TMED8: variants seen among roughly 807,000 people sequenced by gnomAD.
The protein encoded by TMED8 is protein TMED8.
A neutral mutation model predicts 32.7 loss-of-function variants in TMED8; 15 were observed. The observed-to-expected ratio is 0.46, with a 90% confidence interval of 0.31 to 0.71. The LOEUF is 0.71. Among genes scored for constraint, TMED8 ranks in the 30% least tolerant of loss-of-function variants. The pLI, the probability that TMED8 is intolerant of heterozygous loss-of-function variation, is 0.06. For missense variants in TMED8, 390 were observed against 423.9 expected (o/e 0.92, Z 0.70); for synonymous variants, 147 against 161.4 (o/e 0.91, Z 0.68).
chr14:77,342,923 C>T (rs1339965318), intron 5 of TMED8, among the ~76,000 whole-genome samples: 4 of 152,160 alleles, frequency 2.6e-5, no homozygotes, highest in Non-Finnish European at 5.9e-5. Context: ...TCTGCTCCTG[C>T]CCCATCCCTG....
At chr14:77,347,897 C>T (rs928745220) in intron 2 of TMED8, among the ~76,000 whole-genome samples, 3 of 152,152 alleles carry the variant, frequency 2.0e-5, no homozygotes, top group East Asian at 1.9e-4. Flanking sequence ...AGGGGCCCTT[C>T]GGGGGAGTCT....
intron 4 of TMED8, 63 bp downstream of exon 4, chr14:77,343,634 T>C: frequency 6.2e-7 from 1 of 1,601,350 alleles, no homozygotes; most frequent in Non-Finnish European, 8.5e-7. Context: ...TTTGTCTGTC[T>C]GCCTGCCTTT....
At position 77,376,942 on chromosome 14, in the gene TMED8, C is replaced by G; in HGVS notation, c.112G>C (p.Ala38Pro). ...GCGCCCCGGCCTTGCGTACCTGAGG[C>G]GGCCGCCTGGCTCCCCTCCACTCCC... is the stretch of plus-strand genomic sequence containing the variant. ...CQGVEGSQAA[A>P]SENEDLENKD... The change falls in exon 1 of 6, where the codon GCC becomes CCC. Residue 38 changes from alanine (A) to proline (P), a missense_variant. Ala to Pro is a conservative substitution (Grantham distance 27). Transcript: ENST00000216468. This position sits in a 1 kb window ranked among gnomAD's most constrained non-coding sequence, Gnocchi z 4.0. The G allele has an allele frequency of 6.9e-7, 1 of 1,452,398 alleles. No homozygotes were observed. The highest frequency in any genetic ancestry group is 9.0e-7 in the Non-Finnish European group (1 of 1,109,288). 90.0% of individuals were successfully genotyped at this position (1,452,398 alleles called of 1,614,324 possible).
intron 1 of TMED8, among the ~76,000 whole-genome samples, chr14:77,363,468 C>A (rs1025857068): frequency 6.6e-6 from 1 of 152,054 alleles, no homozygotes; most frequent in Non-Finnish European, 1.5e-5. Context: ...AAAAGCAGTT[C>A]TAAGAAGAAT....
At chr14:77,372,932 A>T (rs80090070) in intron 1 of TMED8, among the ~76,000 whole-genome samples, 579 of 32,350 alleles carry the variant, frequency 0.018, 39 homozygotes, top group Non-Finnish European at 0.024. Context: ...ATATATATAT[A>T]TATATATATA....
At chr14:77,359,457 T>G in intron 1 of TMED8, 1 of 239,082 alleles carries the variant, frequency 4.2e-6, no homozygotes, top group Non-Finnish European at 8.6e-6. Flanking sequence ...TTTATCCCAG[T>G]GTCACAAAGA....
chr14:77,372,011 A>C (rs1267987951), intron 1 of TMED8, among the ~76,000 whole-genome samples: 1 of 152,224 alleles, frequency 6.6e-6, no homozygotes, highest in African/African-American at 2.4e-5. Context: ...TGTCAATTAA[A>C]TGTCAATGTC....
Position 77,376,250 on chromosome 14 carries a change from G to A in TMED8, c.118+686C>T, listed in dbSNP as rs1893811871. Among the ~76,000 whole-genome samples, 1 of 152,206 alleles carries A rather than the reference G, an allele frequency of 6.6e-6. No homozygotes were observed. The highest frequency in any genetic ancestry group is 1.5e-5 in the Non-Finnish European group (1 of 68,040). On this transcript the variant is annotated intron_variant, in intron 1 of 5. Coordinates refer to ENST00000216468, the MANE Select transcript of TMED8 (RefSeq NM_213601.3). The surrounding 1 kb of genome is among the most constrained non-coding windows in gnomAD (Gnocchi z 4.0). ...GAGACGTCGTCCTGGACAAGAAGAG[G>A]ATGAGGGTCTTGAGAATGAGGGAGG...
chr14:77,337,300 CAGTT>C lies in TMED8; in HGVS notation c.*4467_*4470del, dbSNP rs1390034390. On this transcript the variant is annotated 3_prime_UTR_variant, in exon 6 of 6. Transcript: ENST00000216468. ...CACAATCACTCTTGTACTGACATGC[CAGTT>C]AGTAAGGAAAACAGCAGAGATCATG... 1.3e-5 allele frequency: 2 copies of C among 152,164 alleles called. No homozygotes were observed. Among genetic ancestry groups the C allele is most frequent in the East Asian group, 3.9e-4 (2 of 5,176 alleles). 9.4% of individuals were successfully genotyped at this position (152,164 alleles called of 1,614,324 possible).
At chr14:77,367,776 C>A (rs533393395) in intron 1 of TMED8, among the ~76,000 whole-genome samples, 1 of 152,052 alleles carries the variant, frequency 6.6e-6, no homozygotes, top group Non-Finnish European at 1.5e-5. Context: ...TCACTGCAAC[C>A]TCCACCTCCT....
intron 2 of TMED8, among the ~76,000 whole-genome samples, chr14:77,347,685 G>A (rs988478624): frequency 3.9e-5 from 6 of 152,222 alleles, no homozygotes; most frequent in African/African-American, 9.7e-5. Flanking sequence ...GATTACAGGC[G>A]TGAGCCACCG....
intron 1 of TMED8, among the ~76,000 whole-genome samples, chr14:77,358,891 CT>C (rs531819905): frequency 1.3e-5 from 2 of 151,768 alleles, no homozygotes; most frequent in African/African-American, 2.4e-5. Flanking sequence ...TCTTCTGCAA[CT>C]TTTTTTTGTT....
At position 77,341,335 on chromosome 14, in the gene TMED8, G is replaced by A. The variant is rs1684235670; in HGVS notation, c.*436C>T. ...AAGATGGGGCTCCTTCATGGGCAAT[G>A]TGCTTTTCCCTCTTCTGGCACCTCA... On this transcript the variant is annotated 3_prime_UTR_variant, in exon 6 of 6. Coordinates refer to ENST00000216468, the MANE Select transcript of TMED8 (RefSeq NM_213601.3). The A allele has an allele frequency of 5.3e-6, 1 of 189,768 alleles. No individual in the cohort carries two copies. Among genetic ancestry groups the A allele is most frequent in the Non-Finnish European group, 1.1e-5 (1 of 90,342 alleles). 11.8% of individuals were successfully genotyped at this position (189,768 alleles called of 1,614,324 possible).
chr14:77,345,940 G>T (rs2139606110), intron 3 of TMED8, among the ~76,000 whole-genome samples: 1 of 139,358 alleles, frequency 7.2e-6, no homozygotes, highest in South Asian at 2.4e-4. Flanking sequence ...CTGCACTCCA[G>T]CCTGGGCGAC....
intron 1 of TMED8, among the ~76,000 whole-genome samples, chr14:77,357,777 C>G (rs1261357946): frequency 6.6e-6 from 1 of 152,096 alleles, no homozygotes; most frequent in Admixed American, 6.6e-5. Context: ...ATGCCTGTCC[C>G]ACACTTGGAA....
At chr14:77,361,342 A>G (rs577733652) in intron 1 of TMED8, among the ~76,000 whole-genome samples, 1 of 152,262 alleles carries the variant, frequency 6.6e-6, no homozygotes, top group Non-Finnish European at 1.5e-5. Flanking sequence ...TGAAGAGACT[A>G]TCTTTTCCCC....
At chr14:77,364,239 C>T (rs1241586434) in intron 1 of TMED8, among the ~76,000 whole-genome samples, 4 of 152,128 alleles carry the variant, frequency 2.6e-5, no homozygotes, top group Non-Finnish European at 5.9e-5. Context: ...CTTGCTCTAT[C>T]ACCCAGGCTG....
In TMED8 at chr14:77,341,784, T is replaced by C. The variant is rs766071868; in HGVS notation, c.965A>G (p.Tyr322Cys). The C allele has an allele frequency of 1.1e-5, 17 of 1,613,872 alleles. No homozygotes were observed. The highest frequency in any genetic ancestry group is 1.4e-5 in the Non-Finnish European group (16 of 1,180,024). ...CCCAGCAGTCCTTCAGCTGGTGTAGTAGATGTGGAAGTAGAGAGTCTTGTT... is the reference window on the plus strand; with the variant it reads ...CCCAGCAGTCCTTCAGCTGGTGTAGCAGATGTGGAAGTAGAGAGTCTTGTT... ...LRNKTLYFHI[Y>C]YTS The change falls in exon 6 of 6, where the codon TAC becomes TGC. Residue 322 changes from tyrosine (Y) to cysteine (C), a missense_variant. Tyr to Cys is a radical substitution (Grantham distance 194). Transcript: ENST00000216468.
At chr14:77,364,862 T>A (rs1893516023) in intron 1 of TMED8, among the ~76,000 whole-genome samples, 1 of 152,162 alleles carries the variant, frequency 6.6e-6, no homozygotes, top group South Asian at 2.1e-4. Context: ...TTTCCCCACA[T>A]TCTCACTAAC....
Sources: allele counts gnomAD v4.1 joint callset (sites outside exome capture counted in the v4.1 genomes callset), GRCh38; gene constraint gnomAD v4.1.1; non-coding constraint Gnocchi (gnomAD v3.1); transcripts MANE v1.5; gene names NCBI Gene and HGNC (gene_info 2026-07-23, HGNC 2026-07-21).